Variants in MED12L observed in about 807,000 individuals in gnomAD.
The protein encoded by MED12L is mediator complex subunit 12L, also known as mediator of RNA polymerase II transcription subunit 12-like protein.
Under a neutral mutation model 281.3 loss-of-function variants are expected in MED12L, and 60 were observed. The ratio of observed to expected loss-of-function variants is 0.21; its 90% CI spans 0.17 to 0.26. The LOEUF (loss-of-function observed/expected upper bound fraction) is 0.26, where lower values mean the gene tolerates loss of function less well. Among genes scored for constraint, MED12L ranks in the 10% least tolerant of loss-of-function variants. The probability of loss-of-function intolerance (pLI) is 1.00; values close to 1 mark genes in which losing one functional copy is unlikely to be tolerated. For synonymous variants in MED12L, 974 were observed against 987.2 expected, an observed-to-expected ratio of 0.99 and a Z score of 0.25; for missense variants, 2,146 against 2,680.9, an observed-to-expected ratio of 0.80 and a Z score of 4.41.
In MED12L at chr3:151,434,650, T is replaced by C. The variant is rs1484631409; in HGVS notation, c.*1846T>C. 1 of 152,238 alleles carries C rather than the reference T, an allele frequency of 6.6e-6. No homozygotes were observed. Among genetic ancestry groups the C allele is most frequent in the South Asian group, 2.1e-4 (1 of 4,834 alleles). The allele number at this position is 152,238 out of a possible 1,614,324, so 9.4% of individuals were successfully genotyped here. A position where few individuals can be genotyped will look rare whatever the true frequency, so the allele number is the denominator to read the frequency against. Reference sequence around the variant, plus strand: ...GTAATATATCTATATAATGACTGCATTGGCAAATCAACCGAAATGTGAATG... The same window carrying C: ...GTAATATATCTATATAATGACTGCACTGGCAAATCAACCGAAATGTGAATG... On this transcript the variant is annotated 3_prime_UTR_variant, in exon 45 of 45. Coordinates refer to ENST00000687756, the MANE Select transcript of MED12L (RefSeq NM_001393769.1).
chr3:151,411,272 C>A lies in MED12L; in HGVS notation c.5911-6C>A. ...CATTGACTTCTTCCCTTGTGCCTAC[C>A]TGCAGACCATGCCACAGGGCTATAC... On this transcript the variant is annotated splice_region_variant and splice_polypyrimidine_tract_variant and intron_variant, in intron 40 of 44. Transcript: ENST00000687756. The A allele has an allele frequency of 6.2e-7, 1 of 1,613,372 alleles. No individual in the cohort carries two copies. Among genetic ancestry groups the A allele is most frequent in the Non-Finnish European group, 8.5e-7 (1 of 1,179,284 alleles).
chr3:151,245,281 C>T (rs1269255484), intron 16 of MED12L, among the ~76,000 whole-genome samples: 1 of 152,088 alleles, frequency 6.6e-6, no homozygotes, highest in African/African-American at 2.4e-5. Context: ...AGGCCAGCAT[C>T]ATTCTGATAC....
At chr3:151,255,533 G>A (rs900315660) in intron 16 of MED12L, among the ~76,000 whole-genome samples, 6 of 152,122 alleles carry the variant, frequency 3.9e-5, no homozygotes, top group African/African-American at 1.4e-4. Context: ...AGGAGGGTCT[G>A]TGCTGCTATG....
At chr3:151,254,352 G>A (rs1314983524) in intron 16 of MED12L, among the ~76,000 whole-genome samples, 2 of 152,124 alleles carry the variant, frequency 1.3e-5, no homozygotes, top group African/African-American at 2.4e-5. Flanking sequence ...ATTATTTATA[G>A]CAGAGGCTTA....
chr3:151,402,801 T>G (rs974779487), intron 39 of MED12L, among the ~76,000 whole-genome samples: 7 of 152,234 alleles, frequency 4.6e-5, no homozygotes, highest in Non-Finnish European at 8.8e-5. Context: ...CCTATGTTTT[T>G]AAGTCTTGAC....
At chr3:151,315,396 G>A (rs1748094361) in intron 16 of MED12L, among the ~76,000 whole-genome samples, 1 of 152,162 alleles carries the variant, frequency 6.6e-6, no homozygotes, top group South Asian at 2.1e-4. Flanking sequence ...CTCTTAGCAT[G>A]TTATCTCTGG....
intron 16 of MED12L, among the ~76,000 whole-genome samples, chr3:151,219,246 A>G (rs1332015834): frequency 6.6e-6 from 1 of 152,150 alleles, no homozygotes; most frequent in Non-Finnish European, 1.5e-5. Flanking sequence ...ATTACAGATA[A>G]CCTCAGGGTT....
intron 16 of MED12L, among the ~76,000 whole-genome samples, chr3:151,204,476 A>G (rs1225200602): frequency 6.6e-6 from 1 of 152,246 alleles, no homozygotes; most frequent in Non-Finnish European, 1.5e-5. Context: ...ACCATAAATT[A>G]TAAACTAGGA....
At chr3:151,093,556 G>A (rs1008305395) in intron 2 of MED12L, among the ~76,000 whole-genome samples, 1 of 152,180 alleles carries the variant, frequency 6.6e-6, no homozygotes, top group Non-Finnish European at 1.5e-5. Flanking sequence ...ACTACTCGAA[G>A]TATAGTACCT....
intron 16 of MED12L, among the ~76,000 whole-genome samples, chr3:151,253,264 G>C (rs1737182363): frequency 6.6e-6 from 1 of 152,170 alleles, no homozygotes; most frequent in Non-Finnish European, 1.5e-5. Flanking sequence ...TGAGTTAATT[G>C]AGAGGCACGT....
intron 9 of MED12L, 61 bp downstream of exon 9, chr3:151,164,103 A>G: frequency 6.4e-7 from 1 of 1,570,380 alleles, no homozygotes. Context: ...ATCAGGGCAC[A>G]GTGGGTCAAG....
At chr3:151,374,107 T>C (rs1756522268) in intron 27 of MED12L, among the ~76,000 whole-genome samples, 1 of 152,210 alleles carries the variant, frequency 6.6e-6, no homozygotes, top group African/African-American at 2.4e-5. Context: ...CTAGTAAGAA[T>C]GCTGATTCCC....
intron 11 of MED12L, among the ~76,000 whole-genome samples, chr3:151,177,554 A>G (rs1300138514): frequency 6.6e-6 from 1 of 152,152 alleles, no homozygotes; most frequent in African/African-American, 2.4e-5. Flanking sequence ...GTCGCCTACA[A>G]TCATATCTCA....
In MED12L at chr3:151,244,587, A is replaced by G. The variant is rs1463830562; in HGVS notation, c.2250+50921A>G. 5.3e-5 allele frequency among the ~76,000 whole-genome samples: 8 copies of G among 151,474 alleles called. 1 individual carries two copies. Among genetic ancestry groups the G allele is most frequent in the Non-Finnish European group, 7.4e-5 (5 of 67,876 alleles). On this transcript the variant is annotated intron_variant, in intron 16 of 44. Transcript: ENST00000687756. ...AAACCAGTGAGAACAAAGACACAAC[A>G]TACCAGAATCTCTGGGACGCATTCA... is the stretch of plus-strand genomic sequence containing the variant.
At chr3:151,375,698 A>G (rs1389977310) in intron 27 of MED12L, among the ~76,000 whole-genome samples, 1 of 152,208 alleles carries the variant, frequency 6.6e-6, no homozygotes, top group Non-Finnish European at 1.5e-5. Flanking sequence ...GAATCATTAT[A>G]TAGCAAGTTA....
intron 16 of MED12L, among the ~76,000 whole-genome samples, chr3:151,297,407 G>T (rs1395937100): frequency 6.6e-6 from 1 of 151,122 alleles, no homozygotes; most frequent in Non-Finnish European, 1.5e-5. Flanking sequence ...TCTAACCTGG[G>T]ATAGAACTCT....
At chr3:151,185,571 A>G in intron 12 of MED12L, 110 bp downstream of exon 12, 1 of 1,180,420 alleles carries the variant, frequency 8.5e-7, no homozygotes, top group Admixed American at 2.9e-5. Context: ...TCTTGAGGAA[A>G]AAAGGGAGGA....
At chr3:151,335,523 A>T (rs754202340) in intron 16 of MED12L, among the ~76,000 whole-genome samples, 6 of 152,184 alleles carry the variant, frequency 3.9e-5, no homozygotes, top group Non-Finnish European at 2.9e-5. Flanking sequence ...CTTGTAAGCC[A>T]CTGAGGCTAT....
intron 16 of MED12L, among the ~76,000 whole-genome samples, chr3:151,200,473 A>G (rs184104346): frequency 5.2e-5 from 8 of 152,382 alleles, no homozygotes; most frequent in Non-Finnish European, 8.8e-5. Flanking sequence ...AGAAGCAAAT[A>G]TAAGTTATAG....
Sources: allele counts gnomAD v4.1 joint callset (sites outside exome capture counted in the v4.1 genomes callset), GRCh38; gene constraint gnomAD v4.1.1; transcripts MANE v1.5; gene names NCBI Gene and HGNC (gene_info 2026-07-23, HGNC 2026-07-21).